The following MERTK variants were observed in gnomAD, a reference collection of about 807,000 sequenced individuals.
The protein encoded by MERTK is tyrosine-protein kinase Mer.
Under a neutral mutation model 99.3 loss-of-function variants are expected in MERTK, and 69 were observed. The observed-to-expected ratio is 0.70, with a 90% CI of 0.57 to 0.85. The LOEUF (loss-of-function observed/expected upper bound fraction) is 0.85. MERTK is among the 40% of genes least tolerant of loss of function. The pLI, the probability that MERTK is intolerant of heterozygous loss-of-function variation, is 0.00. For missense variants in MERTK, 1,125 were observed against 1,249.4 expected, an observed-to-expected ratio of 0.90 and a Z score of 1.50; for synonymous variants, 426 against 467.6, an observed-to-expected ratio of 0.91 and a Z score of 1.15.
intron 13 of MERTK, among the ~76,000 whole-genome samples, chr2:112,004,300 A>G (rs1676936495): frequency 6.6e-6 from 1 of 151,994 alleles, no homozygotes; most frequent in Admixed American, 6.6e-5. Flanking sequence ...ACAACTCCAA[A>G]GTAGAGCATC....
chr2:111,930,821 C>T (rs192368298), intron 2 of MERTK, among the ~76,000 whole-genome samples: 1 of 152,104 alleles, frequency 6.6e-6, no homozygotes, highest in Non-Finnish European at 1.5e-5. Flanking sequence ...TCTCTTCTTG[C>T]CACCCCTTTT....
rs545464830 is a variant in MERTK, at chr2:112,003,069, A to G, written c.1691-23A>G. 395 of 1,098,702 alleles carry G rather than the reference A, an allele frequency of 3.6e-4. 6 individuals carry two copies. The South Asian group carries it at 4.6e-3, about 13-fold the overall frequency. 68.1% of individuals were successfully genotyped at this position (1,098,702 alleles called of 1,614,324 possible). A position where few individuals can be genotyped will look rare whatever the true frequency, so the allele number is the denominator to read the frequency against. On this transcript the variant is annotated intron_variant, in intron 11 of 18. Coordinates refer to ENST00000295408, the MANE Select transcript of MERTK (RefSeq NM_006343.3). ...GAAAACACGCTGACAATTTTTGTAC[A>G]TACTATGTTACTCCTTTTTCAGTAC...
At chr2:111,983,320 G>T (rs1452351306) in intron 8 of MERTK, among the ~76,000 whole-genome samples, 2 of 152,098 alleles carry the variant, frequency 1.3e-5, no homozygotes, top group African/African-American at 4.8e-5. Flanking sequence ...ATGACAGTGT[G>T]GAATACCCAA....
intron 10 of MERTK, among the ~76,000 whole-genome samples, chr2:111,998,275 C>T (rs1676795119): frequency 6.6e-6 from 1 of 152,178 alleles, no homozygotes; most frequent in Non-Finnish European, 1.5e-5. Context: ...AAGAAGTGGA[C>T]AAAATCTGAT....
chr2:111,973,072 TCC>T (rs1676156148), intron 6 of MERTK, among the ~76,000 whole-genome samples: 6 of 152,234 alleles, frequency 3.9e-5, no homozygotes, highest in Admixed American at 3.3e-4. Context: ...GGCCACACAC[TCC>T]ATTTCTAATT....
intron 1 of MERTK, among the ~76,000 whole-genome samples, chr2:111,915,834 G>A (rs536625459): frequency 1.3e-5 from 2 of 152,296 alleles, no homozygotes; most frequent in South Asian, 4.1e-4. Context: ...GACAGAGGTT[G>A]TAGTAAGCTG....
chr2:112,000,999 G>A (rs779062174), intron 10 of MERTK, among the ~76,000 whole-genome samples: 4 of 152,062 alleles, frequency 2.6e-5, no homozygotes, highest in African/African-American at 4.8e-5. Flanking sequence ...TGTTCTTGGC[G>A]GTACCTGGCT....
chr2:111,945,017 C>G lies in MERTK; in HGVS notation c.540C>G (p.Asn180Lys). The G allele has an allele frequency of 6.2e-7, 1 of 1,613,708 alleles. No homozygotes were observed. Among genetic ancestry groups the G allele is most frequent in the Non-Finnish European group, 8.5e-7 (1 of 1,179,784 alleles). The part of the protein sequence containing the change: ...NGSYICKMKI[N>K]NEEIVSDPIY... Reference sequence around the variant, plus strand: ...CGTATATCTGTAAGATGAAAATAAACAATGAAGAGATCGTGTCTGATCCCA... The same window carrying G: ...CGTATATCTGTAAGATGAAAATAAAGAATGAAGAGATCGTGTCTGATCCCA... The change falls in exon 3 of 19, where the codon AAC (asparagine) becomes AAG (lysine). Residue 180 changes from asparagine (N) to lysine (K), a missense_variant. Asn to Lys is a moderately conservative substitution (Grantham distance 94). Transcript: ENST00000295408.
chr2:112,014,157 G>A (rs1190433107), intron 15 of MERTK, among the ~76,000 whole-genome samples: 1 of 151,966 alleles, frequency 6.6e-6, no homozygotes, highest in Non-Finnish European at 1.5e-5. Context: ...GAGTACCTGG[G>A]ATTAAAGGTG....
intron 4 of MERTK, among the ~76,000 whole-genome samples, chr2:111,959,891 G>A (rs999035468): frequency 7.2e-5 from 11 of 152,084 alleles, no homozygotes; most frequent in Non-Finnish European, 1.5e-4. Flanking sequence ...AATTAAAACT[G>A]AAAACTTTTA....
chr2:111,943,512 T>A, intron 2 of MERTK, among the ~76,000 whole-genome samples: 1 of 152,036 alleles, frequency 6.6e-6, no homozygotes, highest in Non-Finnish European at 1.5e-5. Context: ...GCACTCCAGC[T>A]TGGGTGACAG....
chr2:112,012,227 TC>T, intron 15 of MERTK, among the ~76,000 whole-genome samples: 1 of 144,484 alleles, frequency 6.9e-6, no homozygotes, highest in South Asian at 2.3e-4. Flanking sequence ...TGCATTCCCT[TC>T]CCCCCGCCCC....
intron 15 of MERTK, among the ~76,000 whole-genome samples, chr2:112,015,365 A>G (rs185761326): frequency 1.3e-3 from 199 of 152,222 alleles, no homozygotes; most frequent in African/African-American, 4.6e-3. Context: ...TTTTCCTTAT[A>G]GCTGTCCTGA....
chr2:111,973,599 T>A (rs563693041), intron 6 of MERTK, among the ~76,000 whole-genome samples: 127 of 152,308 alleles, frequency 8.3e-4, no homozygotes, highest in South Asian at 5.8e-3. Flanking sequence ...TGCAAGCCCA[T>A]TATTAACAGT....
Position 111,908,942 on chromosome 2 carries a change from G to A in MERTK, c.61+10146G>A, listed in dbSNP as rs553845109. On this transcript the variant is annotated intron_variant, in intron 1 of 18. Coordinates refer to ENST00000295408, the MANE Select transcript of MERTK (RefSeq NM_006343.3). ...CTCAACAGCAAAAAACAAGCAATCC[G>A]ATTAAAAAATGAACAAGTGATCTAA... 2.0e-4 allele frequency among the ~76,000 whole-genome samples: 31 copies of A among 152,188 alleles called. No individual in the cohort carries two copies. The South Asian group carries it at 4.2e-3, about 20-fold the overall frequency.
At chr2:111,906,172 C>G (rs754651194) in intron 1 of MERTK, among the ~76,000 whole-genome samples, 3 of 152,174 alleles carry the variant, frequency 2.0e-5, no homozygotes, top group African/African-American at 7.2e-5. Flanking sequence ...GTCCATCCTC[C>G]GGATTTAGAT....
chr2:111,986,828 A>G (rs1021882042), intron 8 of MERTK, among the ~76,000 whole-genome samples: 6 of 152,188 alleles, frequency 3.9e-5, no homozygotes, highest in African/African-American at 1.4e-4. Context: ...CAGTCTTGTG[A>G]CCACAAAGAC....
chr2:111,959,045 T>C (rs1392920407), intron 4 of MERTK, among the ~76,000 whole-genome samples: 1 of 151,926 alleles, frequency 6.6e-6, no homozygotes, highest in African/African-American at 2.4e-5. Context: ...TATCTTCTGA[T>C]TGAGCCAAGG....
chr2:111,904,325 A>G (rs1684097638), intron 1 of MERTK, among the ~76,000 whole-genome samples: 1 of 150,716 alleles, frequency 6.6e-6, no homozygotes, highest in Non-Finnish European at 1.5e-5. Flanking sequence ...TTTTATTTTT[A>G]TTTTTTGTGT....
Sources: allele counts gnomAD v4.1 joint callset (sites outside exome capture counted in the v4.1 genomes callset), GRCh38; gene constraint gnomAD v4.1.1; transcripts MANE v1.5; gene names NCBI Gene and HGNC (gene_info 2026-07-23, HGNC 2026-07-21).